The following ZNF283 variants were observed in gnomAD, a reference collection of about 807,000 sequenced individuals.
ZNF283 encodes zinc finger protein 283.
A neutral mutation model predicts 9.2 loss-of-function variants in ZNF283; 10 were observed. The observed-to-expected ratio is 1.09, with a 90% CI of 0.67 to 1.85. The LOEUF is 1.85. Among genes scored for constraint, ZNF283 ranks in the 40% most tolerant of loss-of-function variants. The pLI is 0.00. For missense variants in ZNF283, 631 were observed against 760.1 expected, an observed-to-expected ratio of 0.83 and a Z score of 2.00; for synonymous variants, 234 against 244.1, an observed-to-expected ratio of 0.96 and a Z score of 0.38.
rs16976817 is a variant in ZNF283 at position 43,837,188 on chromosome 19, A to G, written c.337+9A>G. 0.016 allele frequency: 24,855 copies of G among 1,582,364 alleles called. 613 individuals carry two copies. The highest frequency in any genetic ancestry group is 0.11 in the African/African-American group (7,785 of 73,196). ...TAACTTGGTGTCACTGGGTAAGGTC[A>G]TCTGCCTGAAATAATTTAGAGTCTC... On this transcript the variant is annotated intron_variant, in intron 6 of 6. Transcript: ENST00000618787.
At chr19:43,843,215 C>T (rs1207295085) in intron 6 of ZNF283, among the ~76,000 whole-genome samples, 1 of 152,156 alleles carries the variant, frequency 6.6e-6, no homozygotes, top group African/African-American at 2.4e-5. Context: ...GTGGCACGCG[C>T]CTGTAGTCCC....
chr19:43,846,285 A>C (rs349039), intron 6 of ZNF283, among the ~76,000 whole-genome samples: 45,714 of 152,090 alleles, frequency 0.3, 7,108 homozygotes, highest in Non-Finnish European at 0.34. Context: ...ATAAAAATCA[A>C]TCCTTTTATA....
At chr19:43,844,680 AT>A in intron 6 of ZNF283, among the ~76,000 whole-genome samples, 1 of 152,302 alleles carries the variant, frequency 6.6e-6, no homozygotes, top group Middle Eastern at 3.4e-3. Flanking sequence ...ATAATCATCC[AT>A]CATTTAATAG....
rs1971017171 is a variant in ZNF283 at position 43,837,174 on chromosome 19, C to T, written c.332C>T (p.Ser111Leu). The T allele has an allele frequency of 6.2e-7, 1 of 1,604,484 alleles. No individual in the cohort carries two copies. The highest frequency in any genetic ancestry group is 2.2e-5 in the East Asian group (1 of 44,606). The stretch of plus-strand genomic sequence containing the variant: ...TTGGAGAACTATAGTAACTTGGTGT[C>T]ACTGGGTAAGGTCATCTGCCTGAAA... The part of the protein sequence containing the change: ...VMLENYSNLV[S>L]LDLESKTYET... Residue 111 changes from serine to leucine, a missense_variant, in exon 6 of 7, where the codon TCA (serine) becomes TTA (leucine). By Grantham distance (145) the Ser-to-Leu change is moderately radical. This residue lies in a region of ZNF283 where 184 missense variants were observed against 220.0 expected (regional missense o/e 0.84). Transcript: ENST00000618787.
At chr19:43,844,186 A>C (rs2356436) in intron 6 of ZNF283, among the ~76,000 whole-genome samples, 14,310 of 152,244 alleles carry the variant, frequency 0.094, 835 homozygotes, top group Non-Finnish European at 0.13. Context: ...ATATCTTAAA[A>C]TTTCTCTGTT....
chr19:43,844,000 A>G (rs554708648), intron 6 of ZNF283, among the ~76,000 whole-genome samples: 3 of 152,212 alleles, frequency 2.0e-5, no homozygotes, highest in Non-Finnish European at 2.9e-5. Flanking sequence ...ACATATTGCC[A>G]TAGATTGAAT....
Position 43,848,019 on chromosome 19 carries a change from G to C in ZNF283, c.1418G>C (p.Ser473Thr), listed in dbSNP as rs1362337252. 1 of 1,613,360 alleles carries C rather than the reference G, an allele frequency of 6.2e-7. No individual in the cohort carries two copies. Among genetic ancestry groups the C allele is most frequent in the South Asian group, 1.1e-5 (1 of 91,032 alleles). Residue 473 changes from serine to threonine, a missense_variant, in exon 7 of 7, where the codon AGC (serine) becomes ACC (threonine). Coordinates refer to ENST00000618787, the MANE Select transcript of ZNF283 (RefSeq NM_181845.2). ...GGGAAGGCCTTTAGTTGGGGTTCAAGCCTTGTTAAACATGAGAGAGTTCAT... is the reference window on the plus strand; with the variant it reads ...GGGAAGGCCTTTAGTTGGGGTTCAACCCTTGTTAAACATGAGAGAGTTCAT... ...ECGKAFSWGS[S>T]LVKHERVHTG...
Position 43,848,181 on chromosome 19 carries a change from G to T in ZNF283, c.1580G>T (p.Gly527Val), listed in dbSNP as rs182901111. Reference sequence around the variant, plus strand: ...GAATGTGGGAAGGCTTTTAATTGTGGATCAAGCCTTGTTCAACATGAAAGA... The same window carrying T: ...GAATGTGGGAAGGCTTTTAATTGTGTATCAAGCCTTGTTCAACATGAAAGA... Reference protein sequence around the residue: ...CKECGKAFNCGSSLVQHERIH... With the variant: ...CKECGKAFNCVSSLVQHERIH... The change falls in exon 7 of 7, where the codon GGA becomes GTA. Residue 527 changes from glycine to valine, a missense_variant. Gly to Val is a moderately radical substitution (Grantham distance 109, BLOSUM62 -3). Coordinates refer to ENST00000618787, the MANE Select transcript of ZNF283 (RefSeq NM_181845.2). 1.8e-5 allele frequency: 29 copies of T among 1,613,838 alleles called. No homozygotes were observed. The highest frequency in any genetic ancestry group is 1.6e-4 in the Middle Eastern group (1 of 6,062).
At chr19:43,840,220 T>C (rs1471958201) in intron 6 of ZNF283, among the ~76,000 whole-genome samples, 2 of 152,066 alleles carry the variant, frequency 1.3e-5, no homozygotes, top group Non-Finnish European at 1.5e-5. Flanking sequence ...TATCTGGCTG[T>C]AAAAAGGGGA....
chr19:43,828,013 A>G (rs1444239984), intron 1 of ZNF283, 189 bp from the exon 2 acceptor site: 1 of 152,176 alleles, frequency 6.6e-6, no homozygotes, highest in African/African-American at 2.4e-5. Context: ...CATTGCAAGC[A>G]GACCTCTGTC....
chr19:43,847,739 T>C lies in ZNF283; in HGVS notation c.1138T>C (p.Cys380Arg), dbSNP rs1432597463. The C allele has an allele frequency of 1.2e-6, 2 of 1,613,460 alleles. No homozygotes were observed. The highest frequency in any genetic ancestry group is 1.3e-5 in the African/African-American group (1 of 74,792). Residue 380 changes from cysteine (C) to arginine (R), a missense_variant, in exon 7 of 7, where the codon TGT (cysteine) becomes CGT (arginine). By Grantham distance (180) the Cys-to-Arg change is radical. Transcript: ENST00000618787. ...TGKKPYECKI[C>R]GKAFCWGYQL... ...TAAGAAACCTTATGAATGTAAAATA[T>C]GTGGAAAGGCTTTTTGTTGGGGCTA...
chr19:43,846,948 C>A lies in ZNF283; in HGVS notation c.347C>A (p.Ser116Ter). The A allele has an allele frequency of 2.0e-6, 3 of 1,512,384 alleles. No individual in the cohort carries two copies. The highest frequency in any genetic ancestry group is 1.4e-5 in the African/African-American group (1 of 70,432). The allele number at this position is 1,512,384 out of a possible 1,614,324, so 93.7% of individuals were successfully genotyped here. Residue 116 changes from serine to a stop codon, truncating the protein, a stop_gained, in exon 7 of 7, where the codon TCA becomes TAA. Coordinates refer to ENST00000618787, the MANE Select transcript of ZNF283 (RefSeq NM_181845.2). LOFTEE classifies it low-confidence loss of function (END_TRUNC). ...YSNLVSLDLESKTYETKKIFS... is the reference protein window; with the variant it reads ...YSNLVSLDLE The stretch of plus-strand genomic sequence containing the variant: ...TCTTGTTTTCTTTCAGATTTGGAGT[C>A]AAAAACGTATGAGACCAAAAAAATA...
intron 6 of ZNF283, among the ~76,000 whole-genome samples, chr19:43,838,713 T>C (rs1971081976): frequency 6.6e-6 from 1 of 152,216 alleles, no homozygotes; most frequent in African/African-American, 2.4e-5. Flanking sequence ...TATTCTGTTT[T>C]TTTTCTGTTA....
intron 6 of ZNF283, among the ~76,000 whole-genome samples, chr19:43,844,101 AG>A (rs1290910516): frequency 6.6e-6 from 1 of 152,204 alleles, no homozygotes; most frequent in Admixed American, 6.5e-5. Context: ...GTTTTGTTTT[AG>A]AAAAGATTAT....
In ZNF283 at chr19:43,847,582, CT is replaced by C. The variant is rs779648677; in HGVS notation, c.988del (p.Trp330GlyfsTer10). On this transcript the variant is annotated frameshift_variant, in exon 7 of 7. Coordinates refer to ENST00000618787, the MANE Select transcript of ZNF283 (RefSeq NM_181845.2). LOFTEE classifies it low-confidence loss of function (END_TRUNC). ...SYKCKECGKAFFWGSSLAKHE... is the reference protein window; with the variant it reads ...SYKCKECGKAXFWGSSLAKHE... ...ATAAATGTAAGGAATGTGGGAAGGC[CT>C]TTTTTTGGGGCTCAAGCCTTGCTAA... is the stretch of plus-strand genomic sequence containing the variant. The C allele has an allele frequency of 1.2e-6, 2 of 1,608,732 alleles. No homozygotes were observed. Among genetic ancestry groups the C allele is most frequent in the Non-Finnish European group, 1.7e-6 (2 of 1,178,180 alleles).
intron 2 of ZNF283, 31 bp from the exon 3 acceptor site, chr19:43,831,287 G>T: frequency 6.7e-7 from 1 of 1,496,778 alleles, no homozygotes; most frequent in South Asian, 1.2e-5. Context: ...AGACTTTGAA[G>T]GTGGTTTATC....
intron 6 of ZNF283, among the ~76,000 whole-genome samples, chr19:43,843,030 A>G (rs1478545321): frequency 1.3e-5 from 2 of 152,176 alleles, no homozygotes; most frequent in Non-Finnish European, 2.9e-5. Flanking sequence ...GAAGAAAACC[A>G]CTTGTACAGT....
chr19:43,839,057 T>G (rs1299896242), intron 6 of ZNF283, among the ~76,000 whole-genome samples: 1 of 152,246 alleles, frequency 6.6e-6, no homozygotes, highest in Non-Finnish European at 1.5e-5. Context: ...TCCTTATGGC[T>G]TCTAATTACT....
At position 43,847,455 on chromosome 19, in the gene ZNF283, A is replaced by G. The variant is rs1213807242; in HGVS notation, c.854A>G (p.His285Arg). Reference protein sequence around the residue: ...GSSLVKHERIHTGEKPYECKE... With the variant: ...GSSLVKHERIRTGEKPYECKE... ...AGCCTTGTTAAACATGAGAGAATTC[A>G]CACTGGTGAGAAACCCTATGAATGT... is the stretch of plus-strand genomic sequence containing the variant. Residue 285 changes from histidine (H) to arginine (R), a missense_variant, in exon 7 of 7, where the codon CAC becomes CGC. This residue lies in a region of ZNF283 where 444 missense variants were observed against 522.5 expected (regional missense o/e 0.85). Transcript: ENST00000618787. 1 of 1,613,982 alleles carries G rather than the reference A, an allele frequency of 6.2e-7. No homozygotes were observed. Among genetic ancestry groups the G allele is most frequent in the Non-Finnish European group, 8.5e-7 (1 of 1,179,960 alleles).
Sources: allele counts gnomAD v4.1 joint callset (sites outside exome capture counted in the v4.1 genomes callset), GRCh38; gene constraint gnomAD v4.1.1; regional missense constraint gnomAD v4.1.1; transcripts MANE v1.5; gene names NCBI Gene and HGNC (gene_info 2026-07-23, HGNC 2026-07-21).